SYNPR: variants seen among roughly 807,000 people sequenced by gnomAD.
SYNPR encodes the protein synaptoporin.
Under a neutral mutation model 32.9 loss-of-function variants are expected in SYNPR, and 23 were observed. The observed-to-expected ratio is 0.70, with a 90% CI of 0.50 to 0.99. The LOEUF is 0.99. Ranked by LOEUF, SYNPR falls within the 50% of genes least tolerant of loss-of-function variation. SYNPR has a pLI of 0.00. For synonymous variants in SYNPR, 146 were observed against 135.9 expected (o/e 1.07, Z -0.52); for missense variants, 318 against 349.3 (o/e 0.91, Z 0.71).
intron 2 of SYNPR, among the ~76,000 whole-genome samples, chr3:63,297,786 G>T (rs541923013): frequency 3.3e-5 from 5 of 152,234 alleles, no homozygotes; most frequent in Admixed American, 1.3e-4. Flanking sequence ...CAATCATGGG[G>T]TGAATGGACC....
intron 2 of SYNPR, among the ~76,000 whole-genome samples, chr3:63,292,017 G>A (rs940291865): frequency 6.6e-6 from 1 of 152,128 alleles, no homozygotes; most frequent in African/African-American, 2.4e-5. Flanking sequence ...ATTGCTCCTA[G>A]GCTAAAAACC....
At chr3:63,270,970 T>TCTC (rs1560174659) in intron 3 of SYNPR, among the ~76,000 whole-genome samples, 3 of 15,634 alleles carry the variant, frequency 1.9e-4, no homozygotes, top group East Asian at 6.8e-4. Context: ...TCCTTCCTTC[T>TCTC]TTTCTTCCTT....
rs144705786 is a variant in SYNPR, at chr3:63,592,229, A to G, written c.409-16896A>G. 2.3e-4 allele frequency among the ~76,000 whole-genome samples: 35 copies of G among 152,300 alleles called. No homozygotes were observed. The East Asian group carries it at 4.6e-3, about 20-fold the overall frequency. Reference sequence around the variant, plus strand: ...GGGATTCTCCCTCAGAGCCTCCAGGAAGAATTAGCCCTGCTAACACTTCGG... The same window carrying G: ...GGGATTCTCCCTCAGAGCCTCCAGGGAGAATTAGCCCTGCTAACACTTCGG... On this transcript the variant is annotated intron_variant, in intron 4 of 5. Transcript: ENST00000478300.
the SYNPR span, among the ~76,000 whole-genome samples, chr3:63,201,892 C>T: frequency 3.3e-5 from 5 of 151,878 alleles, no homozygotes; most frequent in African/African-American, 9.7e-5. Context: ...ATTTACCCTT[C>T]CCCCCTTTTT....
chr3:63,363,543 C>G (rs751414982), intron 2 of SYNPR, among the ~76,000 whole-genome samples: 1 of 152,190 alleles, frequency 6.6e-6, no homozygotes, highest in South Asian at 2.1e-4. Flanking sequence ...GCAGCTGAAA[C>G]ACGTAGGTTT....
chr3:63,299,915 A>G (rs2086826204), intron 2 of SYNPR, among the ~76,000 whole-genome samples: 2 of 152,116 alleles, frequency 1.3e-5, no homozygotes, highest in African/African-American at 4.8e-5. Context: ...TGGGGATACT[A>G]ATCTTTAGAC....
chr3:63,354,842 A>G (rs1178872240), intron 2 of SYNPR, among the ~76,000 whole-genome samples: 2 of 152,232 alleles, frequency 1.3e-5, no homozygotes, highest in Admixed American at 6.5e-5. Flanking sequence ...ATGCATCTTT[A>G]TAGTAACCAC....
At chr3:63,357,670 A>C (rs977135244) in intron 2 of SYNPR, among the ~76,000 whole-genome samples, 5 of 152,120 alleles carry the variant, frequency 3.3e-5, no homozygotes, top group Non-Finnish European at 7.3e-5. Context: ...GACTCAGGAG[A>C]TTTAACTATT....
At chr3:63,318,029 A>G (rs1190638530) in intron 2 of SYNPR, among the ~76,000 whole-genome samples, 1 of 152,052 alleles carries the variant, frequency 6.6e-6, no homozygotes, top group African/African-American at 2.4e-5. Flanking sequence ...GTTTTGCTGG[A>G]TACAAAATTA....
intron 3 of SYNPR, among the ~76,000 whole-genome samples, chr3:63,517,237 A>G (rs112244509): frequency 1.1e-4 from 17 of 152,106 alleles, no homozygotes; most frequent in African/African-American, 3.9e-4. Flanking sequence ...CAGCTTTAGA[A>G]CCAATCTTAA....
At chr3:63,499,582 G>A (rs1701439385) in intron 3 of SYNPR, among the ~76,000 whole-genome samples, 1 of 151,968 alleles carries the variant, frequency 6.6e-6, no homozygotes, top group Admixed American at 6.6e-5. Flanking sequence ...AATCAAGAAG[G>A]AGGCCACTTC....
chr3:63,349,368 G>A (rs1056978649), intron 2 of SYNPR, among the ~76,000 whole-genome samples: 5 of 152,074 alleles, frequency 3.3e-5, no homozygotes, highest in Non-Finnish European at 5.9e-5. Flanking sequence ...CCAAAGTCCT[G>A]GAATTACAGG....
At chr3:63,406,399 T>C (rs1346452228) in intron 2 of SYNPR, among the ~76,000 whole-genome samples, 1 of 152,036 alleles carries the variant, frequency 6.6e-6, no homozygotes, top group African/African-American at 2.4e-5. Context: ...TTTTTATTCA[T>C]CACTGTGCCA....
intron 2 of SYNPR, among the ~76,000 whole-genome samples, chr3:63,295,377 G>T (rs555309489): frequency 1.3e-5 from 2 of 152,106 alleles, no homozygotes; most frequent in East Asian, 1.9e-4. Flanking sequence ...ACAAGTAATG[G>T]TTAGGTGTGT....
chr3:63,406,414 T>A (rs942697785), intron 2 of SYNPR, among the ~76,000 whole-genome samples: 1 of 152,090 alleles, frequency 6.6e-6, no homozygotes, highest in African/African-American at 2.4e-5. Flanking sequence ...GTGCCAGGTT[T>A]AGGGAATGTA....
At chr3:63,361,762 T>C (rs1167359987) in intron 2 of SYNPR, among the ~76,000 whole-genome samples, 2 of 152,056 alleles carry the variant, frequency 1.3e-5, no homozygotes, top group African/African-American at 4.8e-5. Flanking sequence ...GCTAATTAAC[T>C]TAAGACTTCA....
At position 63,498,975 on chromosome 3, in the gene SYNPR, TA is replaced by T. The variant is rs1365735025; in HGVS notation, c.209+18031del. ...AAAAAAAAAAAAAAGAATAAAAAAT[TA>T]AAAAAAAAAAACTACACAAGTGCCA... On this transcript the variant is annotated intron_variant, in intron 3 of 5. Coordinates refer to ENST00000478300, the MANE Select transcript of SYNPR (RefSeq NM_001130003.2). Among the ~76,000 whole-genome samples, 1,182 of 141,044 alleles carry T rather than the reference TA, an allele frequency of 8.4e-3. 12 individuals are homozygous for T. The highest frequency in any genetic ancestry group is 0.027 in the African/African-American group (1,057 of 38,488). 92.5% of individuals were successfully genotyped at this position (141,044 alleles called of 152,430 possible).
chr3:63,387,775 G>C (rs996436376), intron 2 of SYNPR, among the ~76,000 whole-genome samples: 1 of 152,188 alleles, frequency 6.6e-6, no homozygotes, highest in Non-Finnish European at 1.5e-5. Context: ...TTTGGAATTT[G>C]AGATAAGAGG....
At chr3:63,221,121 A>G in the SYNPR span, among the ~76,000 whole-genome samples, 1 of 152,160 alleles carries the variant, frequency 6.6e-6, no homozygotes, top group Middle Eastern at 3.2e-3. Flanking sequence ...CTTACATTTG[A>G]GAGGCCTGTG....
Sources: gnomAD v4.1 joint callset for allele counts (sites outside exome capture counted in the v4.1 genomes callset) on GRCh38, gnomAD v4.1.1 for gene constraint, MANE v1.5 for transcripts, NCBI Gene and HGNC (gene_info 2026-07-23, HGNC 2026-07-21) for gene names.